Variants in CNTN5 observed in about 807,000 individuals in gnomAD.
CNTN5 encodes the protein contactin-5.
Under a neutral mutation model 129.1 loss-of-function variants are expected in CNTN5, and 77 were observed. The ratio of observed to expected loss-of-function variants is 0.60; its 90% CI spans 0.50 to 0.72. CNTN5 has a LOEUF of 0.72. CNTN5 is among the 30% of genes least tolerant of loss of function. CNTN5 has a pLI of 0.00. For synonymous variants in CNTN5, 509 were observed against 465.6 expected, an observed-to-expected ratio of 1.09 and a Z score of -1.20; for missense variants, 1,478 against 1,328.8, an observed-to-expected ratio of 1.11 and a Z score of -1.75.
chr11:99,586,220 C>T (rs1026576157), intron 3 of CNTN5, among the ~76,000 whole-genome samples: 6 of 152,072 alleles, frequency 3.9e-5, no homozygotes, highest in African/African-American at 1.4e-4. Context: ...CCAGTCTTAG[C>T]TCTATTACCA....
intron 2 of CNTN5, among the ~76,000 whole-genome samples, chr11:99,487,752 T>A (rs1945872886): frequency 6.6e-6 from 1 of 152,212 alleles, no homozygotes; most frequent in Non-Finnish European, 1.5e-5. Context: ...CCTTTAATCC[T>A]ATGAAAATTT....
At chr11:99,719,893 A>C (rs1442947688) in intron 3 of CNTN5, among the ~76,000 whole-genome samples, 1 of 152,180 alleles carries the variant, frequency 6.6e-6, no homozygotes, top group Non-Finnish European at 1.5e-5. Flanking sequence ...AGAAACTACT[A>C]TGAACACCTC....
At chr11:100,077,710 G>A (rs939972156) in intron 13 of CNTN5, among the ~76,000 whole-genome samples, 3 of 151,976 alleles carry the variant, frequency 2.0e-5, no homozygotes, top group African/African-American at 4.8e-5. Flanking sequence ...AGGCATGGTG[G>A]TGTACGCCTA....
intron 8 of CNTN5, among the ~76,000 whole-genome samples, chr11:99,968,150 T>G (rs1001007199): frequency 2.6e-5 from 4 of 152,150 alleles, no homozygotes; most frequent in African/African-American, 9.6e-5. Flanking sequence ...CACTACTTCC[T>G]AAGGCAACAT....
chr11:99,245,055 T>C (rs1391572507), intron 1 of CNTN5, among the ~76,000 whole-genome samples: 1 of 152,234 alleles, frequency 6.6e-6, no homozygotes, highest in Non-Finnish European at 1.5e-5. Context: ...AGTAATGTTT[T>C]TGTGATAATT....
At chr11:99,643,011 C>T (rs761520766) in intron 3 of CNTN5, among the ~76,000 whole-genome samples, 8 of 152,242 alleles carry the variant, frequency 5.3e-5, no homozygotes, top group Non-Finnish European at 1.0e-4. Flanking sequence ...ATATTTAGGT[C>T]TATTCTGTAT....
intron 13 of CNTN5, among the ~76,000 whole-genome samples, chr11:100,147,589 A>C (rs564379164): frequency 2.1e-4 from 31 of 150,864 alleles, no homozygotes; most frequent in Admixed American, 5.3e-4. Context: ...CTCCAATTCA[A>C]CTCTGCTAGG....
At chr11:99,533,249 GACA>G (rs1376833477) in intron 2 of CNTN5, among the ~76,000 whole-genome samples, 1 of 152,070 alleles carries the variant, frequency 6.6e-6, no homozygotes, top group Non-Finnish European at 1.5e-5. Context: ...ACAAACAAAT[GACA>G]ACAACAAGAA....
intron 1 of CNTN5, among the ~76,000 whole-genome samples, chr11:99,120,925 A>G (rs1358287981): frequency 2.0e-5 from 3 of 152,042 alleles, no homozygotes; most frequent in Non-Finnish European, 2.9e-5. Flanking sequence ...TCTCTAAAAT[A>G]TATAAAATTA....
intron 13 of CNTN5, among the ~76,000 whole-genome samples, chr11:100,152,552 A>T (rs547733367): frequency 1.3e-5 from 2 of 152,148 alleles, no homozygotes; most frequent in African/African-American, 4.8e-5. Flanking sequence ...GAAGGTCCCT[A>T]GTTGATGAAC....
intron 2 of CNTN5, among the ~76,000 whole-genome samples, chr11:99,442,231 G>T (rs1023658303): frequency 6.6e-6 from 1 of 151,954 alleles, no homozygotes; most frequent in African/African-American, 2.4e-5. Context: ...GGAGTGCTGC[G>T]TGACCTTGGC....
intron 1 of CNTN5, among the ~76,000 whole-genome samples, chr11:99,104,302 G>C (rs150427637): frequency 3.8e-4 from 57 of 151,972 alleles, no homozygotes; most frequent in African/African-American, 1.3e-3. Flanking sequence ...ATAACTATTG[G>C]AGGCTGTCCT....
intron 17 of CNTN5, 85 bp from the exon 18 acceptor site, chr11:100,271,007 T>C (rs1402888809): frequency 9.1e-7 from 1 of 1,097,500 alleles, no homozygotes; most frequent in Non-Finnish European, 1.3e-6. Flanking sequence ...CTTCTGATTC[T>C]GTCAGTAGCA....
intron 1 of CNTN5, among the ~76,000 whole-genome samples, chr11:99,164,539 C>T (rs559042237): frequency 1.4e-4 from 22 of 152,168 alleles, no homozygotes; most frequent in Middle Eastern, 3.4e-3. Context: ...CATATAGTTA[C>T]GTAGTACAAT....
intron 1 of CNTN5, among the ~76,000 whole-genome samples, chr11:99,164,060 G>C (rs2135521577): frequency 6.6e-6 from 1 of 152,294 alleles, no homozygotes; most frequent in African/African-American, 2.4e-5. Flanking sequence ...GGGCGCAGTG[G>C]CTCATGCCTG....
At chr11:99,406,074 A>T (rs1457089362) in intron 2 of CNTN5, among the ~76,000 whole-genome samples, 3 of 150,978 alleles carry the variant, frequency 2.0e-5, no homozygotes, top group Non-Finnish European at 4.4e-5. Flanking sequence ...TCACTTGGTG[A>T]GGTTATGTTT....
intron 13 of CNTN5, among the ~76,000 whole-genome samples, chr11:100,112,996 G>T (rs1051776092): frequency 2.6e-5 from 4 of 152,020 alleles, no homozygotes; most frequent in African/African-American, 9.7e-5. Context: ...CTTTGTAACA[G>T]AATTCTTGAT....
intron 1 of CNTN5, among the ~76,000 whole-genome samples, chr11:99,104,024 T>TGGA (rs1447447240): frequency 6.6e-6 from 1 of 152,174 alleles, no homozygotes; most frequent in African/African-American, 2.4e-5. Flanking sequence ...TTTGTGGAAT[T>TGGA]CTTTTATGGC....
intron 15 of CNTN5, among the ~76,000 whole-genome samples, chr11:100,212,499 G>A (rs1949053903): frequency 6.6e-6 from 1 of 152,090 alleles, no homozygotes; most frequent in African/African-American, 2.4e-5. Flanking sequence ...CCAAATTTTT[G>A]TTATTGCATA....
Sources: gnomAD v4.1 joint callset for allele counts (sites outside exome capture counted in the v4.1 genomes callset) on GRCh38, gnomAD v4.1.1 for gene constraint, MANE v1.5 for transcripts, NCBI Gene and HGNC (gene_info 2026-07-23, HGNC 2026-07-21) for gene names.